Variants in FABP7 observed in about 807,000 individuals in gnomAD.
FABP7 encodes the protein fatty acid binding protein 7.
In FABP7, 13 loss-of-function variants were observed where a neutral mutation model predicts 14.2. The ratio of observed to expected loss-of-function variants is 0.91; its 90% CI spans 0.59 to 1.45. The LOEUF (loss-of-function observed/expected upper bound fraction) is 1.45. Ranked by LOEUF, FABP7 falls within the 40% of genes most tolerant of loss-of-function variation. FABP7 has a pLI of 0.00. For synonymous variants in FABP7, 49 were observed against 51.4 expected (o/e 0.95, Z 0.20); for missense variants, 149 against 157.6 (o/e 0.95, Z 0.29).
At chr6:122,779,474 C>T (rs1282275195), upstream of FABP7, 5 of 280,054 alleles carry the variant, frequency 1.8e-5, no homozygotes, top group African/African-American at 1.1e-4. Flanking sequence ...CCCTGCCGAG[C>T]TTTCTCAGGC....
chr6:122,763,394 T>C, the FABP7 span, among the ~76,000 whole-genome samples: 1 of 152,126 alleles, frequency 6.6e-6, no homozygotes, highest in Non-Finnish European at 1.5e-5. Context: ...TAATTCAAGA[T>C]GGATTAAAGA....
At chr6:122,754,452 C>T in the FABP7 span, among the ~76,000 whole-genome samples, 43 of 152,338 alleles carry the variant, frequency 2.8e-4, no homozygotes, top group African/African-American at 9.4e-4. Flanking sequence ...AGCTCTCAGA[C>T]GCTTCCAACT....
At chr6:122,764,382 C>CT in the FABP7 span, among the ~76,000 whole-genome samples, 1 of 151,610 alleles carries the variant, frequency 6.6e-6, no homozygotes, top group South Asian at 2.1e-4. Flanking sequence ...ACACCAGGGC[C>CT]TGTCATGGGG....
the FABP7 span, among the ~76,000 whole-genome samples, chr6:122,773,255 C>T: frequency 5.1e-4 from 78 of 152,266 alleles, 1 homozygote; most frequent in Non-Finnish European, 2.8e-4. Flanking sequence ...CAAATGTAAT[C>T]ATTTATCATG....
the FABP7 span, among the ~76,000 whole-genome samples, chr6:122,761,293 A>G: frequency 6.6e-6 from 1 of 152,186 alleles, no homozygotes; most frequent in Non-Finnish European, 1.5e-5. Flanking sequence ...TAGAAATACC[A>G]AAGAACTCTA....
chr6:122,778,351 G>T (rs181222889), upstream of FABP7, among the ~76,000 whole-genome samples: 1 of 152,202 alleles, frequency 6.6e-6, no homozygotes, highest in South Asian at 2.1e-4. Context: ...TGGAAGAAAA[G>T]CAGTTGTGAA....
At chr6:122,763,479 G>A in the FABP7 span, among the ~76,000 whole-genome samples, 1 of 152,298 alleles carries the variant, frequency 6.6e-6, no homozygotes, top group South Asian at 2.1e-4. Context: ...ATAGGCATGG[G>A]CAAGGACTTC....
At chr6:122,755,481 C>T in the FABP7 span, among the ~76,000 whole-genome samples, 23 of 124,842 alleles carry the variant, frequency 1.8e-4, no homozygotes, top group South Asian at 4.9e-4. Context: ...TTTTTTGAGA[C>T]GGAGTCTCGC....
chr6:122,761,813 T>C, the FABP7 span, among the ~76,000 whole-genome samples: 84 of 152,258 alleles, frequency 5.5e-4, 1 homozygote, highest in Admixed American at 3.7e-3. Flanking sequence ...ATTTAATCCT[T>C]TCTGAAAAAG....
the FABP7 span, among the ~76,000 whole-genome samples, chr6:122,765,624 A>G: frequency 0.35 from 53,505 of 151,828 alleles, 10,653 homozygotes; most frequent in Non-Finnish European, 0.46. Flanking sequence ...ATGGCATTCT[A>G]TTCATTACTG....
At chr6:122,782,603 T>G (rs1185343158) in intron 3 of FABP7, 1 of 985,350 alleles carries the variant, frequency 1.0e-6, no homozygotes, top group Non-Finnish European at 1.2e-6. Flanking sequence ...TGCAATGGTA[T>G]ATTGATGATA....
intron 3 of FABP7, chr6:122,782,531 T>C (rs1780816292): frequency 2.0e-6 from 2 of 984,010 alleles, no homozygotes; most frequent in South Asian, 9.4e-5. Flanking sequence ...TGGAGTAGTA[T>C]CACAAACTAG....
the FABP7 span, among the ~76,000 whole-genome samples, chr6:122,758,429 TGAGGATA>T: frequency 1.3e-5 from 2 of 152,174 alleles, no homozygotes; most frequent in African/African-American, 2.4e-5. Flanking sequence ...GTAAAACAAC[TGAGGATA>T]TAAGACAATG....
At chr6:122,758,731 A>T in the FABP7 span, among the ~76,000 whole-genome samples, 1 of 152,202 alleles carries the variant, frequency 6.6e-6, no homozygotes, top group Non-Finnish European at 1.5e-5. Flanking sequence ...ATATATAAAA[A>T]TATTACTTAT....
the FABP7 span, among the ~76,000 whole-genome samples, chr6:122,772,254 AC>A: frequency 6.6e-6 from 1 of 152,122 alleles, no homozygotes. Context: ...TTAATAATAA[AC>A]CCAAAATATG....
At chr6:122,783,102 A>G (rs1022225399) in intron 3 of FABP7, 5 of 985,316 alleles carry the variant, frequency 5.1e-6, no homozygotes, top group Admixed American at 1.2e-4. Flanking sequence ...AAACCCCCTA[A>G]GTTCTGTAAA....
the FABP7 span, among the ~76,000 whole-genome samples, chr6:122,760,343 A>G: frequency 6.9e-3 from 1,054 of 152,258 alleles, 6 homozygotes; most frequent in Non-Finnish European, 0.013. Flanking sequence ...AGTCTACTTT[A>G]TCTCATAATA....
At chr6:122,753,915 G>A in the FABP7 span, among the ~76,000 whole-genome samples, 186 of 152,020 alleles carry the variant, frequency 1.2e-3, 5 homozygotes, top group South Asian at 0.022. Flanking sequence ...AAGTTACAAA[G>A]TTGCAAACAA....
chr6:122,756,069 C>T, the FABP7 span, among the ~76,000 whole-genome samples: 1 of 152,104 alleles, frequency 6.6e-6, no homozygotes, highest in African/African-American at 2.4e-5. Context: ...AGCAGTTCTG[C>T]GCTCCCCCCT....
Sources: allele counts gnomAD v4.1 joint callset (sites outside exome capture counted in the v4.1 genomes callset), GRCh38; gene constraint gnomAD v4.1.1; transcripts MANE v1.5; gene names NCBI Gene and HGNC (gene_info 2026-07-23, HGNC 2026-07-21).